Variants in KIAA1328 observed in about 807,000 individuals in gnomAD.
KIAA1328 encodes the protein KIAA1328.
A neutral mutation model predicts 68.1 loss-of-function variants in KIAA1328; 52 were observed. The observed-to-expected ratio is 0.76, with a 90% confidence interval of 0.61 to 0.96. KIAA1328 has a LOEUF of 0.96. Ranked by LOEUF, KIAA1328 falls within the 40% of genes least tolerant of loss-of-function variation. The probability of loss-of-function intolerance (pLI) is 0.00; values close to 1 mark genes in which losing one functional copy is unlikely to be tolerated. For synonymous variants in KIAA1328, 232 were observed against 239.4 expected, an observed-to-expected ratio of 0.97 and a Z score of 0.28; for missense variants, 641 against 677.6, an observed-to-expected ratio of 0.95 and a Z score of 0.60.
chr18:37,079,476 A>T (rs1395571052), intron 7 of KIAA1328, among the ~76,000 whole-genome samples: 3 of 150,432 alleles, frequency 2.0e-5, no homozygotes, highest in South Asian at 2.1e-4. Context: ...AACTTAAAGT[A>T]TAATAATAAT....
At position 36,891,982 on chromosome 18, in the gene KIAA1328, A is replaced by C. The variant is rs538758108; in HGVS notation, c.448+6310A>C. On this transcript the variant is annotated intron_variant, in intron 5 of 9. Coordinates refer to ENST00000280020, the MANE Select transcript of KIAA1328 (RefSeq NM_020776.3). Reference sequence around the variant, plus strand: ...TCTGTGCTGAAAATAGGTAAGAGAAAATTCACAAGATTTTTATATGATTAT... The same window carrying C: ...TCTGTGCTGAAAATAGGTAAGAGAACATTCACAAGATTTTTATATGATTAT... Among the ~76,000 whole-genome samples, 51 of 152,346 alleles carry C rather than the reference A, an allele frequency of 3.3e-4. 1 individual carries two copies. The South Asian group carries it at 4.1e-3, about 12-fold the overall frequency.
chr18:36,933,357 C>A (rs975622186), intron 5 of KIAA1328, among the ~76,000 whole-genome samples: 7 of 152,144 alleles, frequency 4.6e-5, no homozygotes, highest in African/African-American at 1.7e-4. Context: ...GGTGGGGCCC[C>A]CTCCAATCAG....
intron 3 of KIAA1328, among the ~76,000 whole-genome samples, chr18:36,840,498 C>T (rs1198429271): frequency 1.3e-5 from 2 of 150,596 alleles, no homozygotes; most frequent in African/African-American, 4.9e-5. Flanking sequence ...CTCTGTAGCC[C>T]AGGTACAGTG....
chr18:36,878,637 C>G (rs1265736816), intron 4 of KIAA1328, among the ~76,000 whole-genome samples: 1 of 152,194 alleles, frequency 6.6e-6, no homozygotes, highest in East Asian at 1.9e-4. Context: ...CCCCCCATCA[C>G]TTTCAGGTAC....
chr18:37,086,741 A>G (rs559821528), intron 7 of KIAA1328, among the ~76,000 whole-genome samples: 10 of 152,256 alleles, frequency 6.6e-5, no homozygotes, highest in African/African-American at 2.2e-4. Flanking sequence ...GTTGTATTCT[A>G]TTACCTTCTA....
At chr18:37,074,036 G>A (rs2056623439) in intron 7 of KIAA1328, among the ~76,000 whole-genome samples, 1 of 152,154 alleles carries the variant, frequency 6.6e-6, no homozygotes, top group Non-Finnish European at 1.5e-5. Context: ...TTGAACCATT[G>A]GAAAATGGAC....
chr18:37,137,561 C>T (rs1487001142), intron 7 of KIAA1328, among the ~76,000 whole-genome samples: 1 of 152,160 alleles, frequency 6.6e-6, no homozygotes, highest in Non-Finnish European at 1.5e-5. Flanking sequence ...TTTTAATCCT[C>T]ATCTTACTTG....
Position 37,222,054 on chromosome 18 carries a change from A to AGCCCAAACTCTGC in KIAA1328, c.1570_1582dup (p.Pro528LeufsTer40). ...TTTGTTGGATTTGGTTCAGTCTCTG[A>AGCCCAAACTCTGC]GCCCAAACTCTGCGCCCAAACCTCA... On this transcript the variant is annotated frameshift_variant, in exon 10 of 10. Transcript: ENST00000280020. LOFTEE classifies it high-confidence loss of function. The AGCCCAAACTCTGC allele has an allele frequency of 6.2e-7, 1 of 1,613,648 alleles. No individual in the cohort carries two copies.
At chr18:36,968,296 A>G (rs1213733057) in intron 6 of KIAA1328, among the ~76,000 whole-genome samples, 1 of 152,164 alleles carries the variant, frequency 6.6e-6, no homozygotes, top group East Asian at 1.9e-4. Flanking sequence ...AACGAGCTAA[A>G]TACCCCAGTG....
At chr18:36,994,870 G>A (rs1464989309) in intron 6 of KIAA1328, among the ~76,000 whole-genome samples, 1 of 152,032 alleles carries the variant, frequency 6.6e-6, no homozygotes, top group Admixed American at 6.6e-5. Context: ...TGAGCCAATA[G>A]CAGTTAGCCT....
intron 7 of KIAA1328, among the ~76,000 whole-genome samples, chr18:37,128,556 G>A (rs1044624711): frequency 2.0e-5 from 3 of 152,146 alleles, no homozygotes; most frequent in African/African-American, 7.2e-5. Flanking sequence ...TTGCTGATGA[G>A]AATGCAAAAT....
chr18:36,960,104 C>T (rs985884392), intron 6 of KIAA1328, among the ~76,000 whole-genome samples: 3 of 152,186 alleles, frequency 2.0e-5, no homozygotes, highest in Admixed American at 1.3e-4. Context: ...CACTTCCACC[C>T]AAATACTGGG....
intron 4 of KIAA1328, among the ~76,000 whole-genome samples, chr18:36,883,243 C>T (rs2048378538): frequency 6.6e-6 from 1 of 152,100 alleles, no homozygotes; most frequent in African/African-American, 2.4e-5. Context: ...ATCTGAAATG[C>T]TTCAAAATTT....
At chr18:36,966,292 A>G (rs531865237) in intron 6 of KIAA1328, among the ~76,000 whole-genome samples, 1 of 152,210 alleles carries the variant, frequency 6.6e-6, no homozygotes, top group Non-Finnish European at 1.5e-5. Context: ...GGAAAATGAC[A>G]TAAGGCAGTA....
chr18:36,963,388 G>A (rs900405485), intron 6 of KIAA1328, among the ~76,000 whole-genome samples: 1 of 152,184 alleles, frequency 6.6e-6, no homozygotes, highest in Non-Finnish European at 1.5e-5. Flanking sequence ...TGGCAAGGAT[G>A]TGGGAAGGGA....
chr18:36,851,193 C>T (rs530079900), intron 4 of KIAA1328, among the ~76,000 whole-genome samples: 1 of 152,022 alleles, frequency 6.6e-6, no homozygotes, highest in African/African-American at 2.4e-5. Context: ...ACTTAATATG[C>T]TTTTGGATTT....
intron 7 of KIAA1328, among the ~76,000 whole-genome samples, chr18:37,078,939 A>C (rs1004626571): frequency 6.6e-5 from 10 of 151,980 alleles, no homozygotes; most frequent in African/African-American, 2.2e-4. Context: ...TCAGAGATCT[A>C]GAACTAGAAA....
intron 6 of KIAA1328, among the ~76,000 whole-genome samples, chr18:37,044,833 A>G (rs1268012598): frequency 6.6e-6 from 1 of 152,070 alleles, no homozygotes; most frequent in Non-Finnish European, 1.5e-5. Flanking sequence ...CAACAGTTTA[A>G]AAAAATGAGA....
At chr18:36,896,948 G>A (rs901729808) in intron 5 of KIAA1328, among the ~76,000 whole-genome samples, 5 of 151,806 alleles carry the variant, frequency 3.3e-5, no homozygotes, top group African/African-American at 1.2e-4. Flanking sequence ...CTTAACCTTA[G>A]GATGGCCTTA....
Sources: allele counts gnomAD v4.1 joint callset (sites outside exome capture counted in the v4.1 genomes callset), GRCh38; gene constraint gnomAD v4.1.1; transcripts MANE v1.5; gene names NCBI Gene and HGNC (gene_info 2026-07-23, HGNC 2026-07-21).